RAD51AP2: variants seen among roughly 807,000 people sequenced by gnomAD.
RAD51AP2 encodes the protein RAD51 associated protein 2, also known as RAD51-associated protein 2.
Under a neutral mutation model 85.5 loss-of-function variants are expected in RAD51AP2, and 67 were observed. The observed-to-expected ratio is 0.78, with a 90% confidence interval of 0.64 to 0.96. The LOEUF (loss-of-function observed/expected upper bound fraction) is 0.96. Among genes scored for constraint, RAD51AP2 ranks in the 40% least tolerant of loss-of-function variants. The pLI, the probability that RAD51AP2 is intolerant of heterozygous loss-of-function variation, is 0.00. For missense variants in RAD51AP2, 1,307 were observed against 1,332.4 expected, an observed-to-expected ratio of 0.98 and a Z score of 0.30; for synonymous variants, 474 against 446.5, an observed-to-expected ratio of 1.06 and a Z score of -0.78.
the RAD51AP2 span, among the ~76,000 whole-genome samples, chr2:17,531,439 A>T: frequency 1.1e-4 from 16 of 152,196 alleles, no homozygotes; most frequent in Admixed American, 2.6e-4. Context: ...ACACAACCAG[A>T]ATTCAGTCAA....
chr2:17,517,308 G>A lies in RAD51AP2; in HGVS notation c.1108C>T (p.Leu370=). 6.2e-7 allele frequency: 1 copy of A among 1,613,912 alleles called. No individual in the cohort carries two copies. Among genetic ancestry groups the A allele is most frequent in the South Asian group, 1.1e-5 (1 of 91,060 alleles). Residue 370 remains leucine, a synonymous_variant, in exon 1 of 3, where the codon CTA becomes TTA. Coordinates refer to ENST00000399080, the MANE Select transcript of RAD51AP2 (RefSeq NM_001099218.3). The part of the protein sequence containing the change: ...VRDSRKNFAI[L]ENANWEEAEC... ...GCTTCCTCCCAATTTGCATTTTCTA[G>A]TATAGCGAAATTCTTTCTAGAGTCT...
chr2:17,526,938 C>A, the RAD51AP2 span, among the ~76,000 whole-genome samples: 1 of 152,056 alleles, frequency 6.6e-6, no homozygotes, highest in Non-Finnish European at 1.5e-5. Context: ...GGCAAGAAAA[C>A]AAGCTCAAAA....
rs1662570604 is a variant in RAD51AP2 at position 17,513,936 on chromosome 2, T to C, written c.3328+76A>G. ...TTATTTTGAACAACATGAATATCTATACTTTCCTCATACTAAAAATACCAT... is the reference window on the plus strand; with the variant it reads ...TTATTTTGAACAACATGAATATCTACACTTTCCTCATACTAAAAATACCAT... On this transcript the variant is annotated intron_variant, in intron 2 of 2. Coordinates refer to ENST00000399080, the MANE Select transcript of RAD51AP2 (RefSeq NM_001099218.3). 21 of 791,574 alleles carry C rather than the reference T, an allele frequency of 2.7e-5. No individual in the cohort carries two copies. In the East Asian group the frequency reaches 5.2e-4, roughly 20 times the overall value. The allele number at this position is 791,574 out of a possible 1,614,324, so 49.0% of individuals were successfully genotyped here.
Position 17,516,243 on chromosome 2 carries a change from G to A in RAD51AP2, c.2173C>T (p.His725Tyr), listed in dbSNP as rs537437627. Residue 725 changes from histidine to tyrosine, a missense_variant, in exon 1 of 3, where the codon CAC becomes TAC. Around this residue, in one of 3 missense-constraint regions of RAD51AP2, gnomAD observed 668 missense variants for 671.0 expected, o/e 1.00. Coordinates refer to ENST00000399080, the MANE Select transcript of RAD51AP2 (RefSeq NM_001099218.3). ...GCTTTAACAGTACTAGAATTATAGT[G>A]AGCCCAATTTTCCACATTCACAACT... Reference protein sequence around the residue: ...QQVVNVENWAHYNSSTVKAHG... With the variant: ...QQVVNVENWAYYNSSTVKAHG... 1.2e-6 allele frequency: 2 copies of A among 1,611,936 alleles called. No homozygotes were observed. The highest frequency in any genetic ancestry group is 2.2e-5 in the South Asian group (2 of 90,500).
chr2:17,518,391 G>C lies in RAD51AP2; in HGVS notation c.25C>G (p.Arg9Gly), dbSNP rs750860574. Residue 9 changes from arginine (R) to glycine (G), a missense_variant, in exon 1 of 3, where the codon CGG becomes GGG. Coordinates refer to ENST00000399080, the MANE Select transcript of RAD51AP2 (RefSeq NM_001099218.3). The stretch of plus-strand genomic sequence containing the variant: ...GTAGGCTTTCTGAGCTCGGCCATCC[G>C]CGGCGTGGGCTGAGGGAGAGACATG... MSLPQPTPRMAELRKPTSS... is the reference protein window; with the variant it reads MSLPQPTPGMAELRKPTSS... 5.6e-6 allele frequency: 9 copies of C among 1,612,768 alleles called. No individual in the cohort carries two copies. Among genetic ancestry groups the C allele is most frequent in the Admixed American group, 1.7e-5 (1 of 59,946 alleles).
At chr2:17,522,054 C>T (rs1037762856), upstream of RAD51AP2, among the ~76,000 whole-genome samples, 1 of 151,990 alleles carries the variant, frequency 6.6e-6, no homozygotes, top group African/African-American at 2.4e-5. Context: ...TTTTACTAGT[C>T]TCTTCTCAAC....
At chr2:17,531,332 A>G in the RAD51AP2 span, among the ~76,000 whole-genome samples, 1 of 152,192 alleles carries the variant, frequency 6.6e-6, no homozygotes, top group Admixed American at 6.5e-5. Flanking sequence ...CCTTATGAAT[A>G]TTAAGATATA....
chr2:17,513,687 G>A (rs73919088), intron 2 of RAD51AP2, among the ~76,000 whole-genome samples: 7,647 of 152,180 alleles, frequency 0.05, 516 homozygotes, highest in African/African-American at 0.15. Flanking sequence ...CTCTATCAGA[G>A]AGCATGGTCC....
the RAD51AP2 span, among the ~76,000 whole-genome samples, chr2:17,523,829 T>TC: frequency 6.6e-6 from 1 of 151,908 alleles, no homozygotes; most frequent in Non-Finnish European, 1.5e-5. Context: ...AAAAGAATAC[T>TC]CCCTCTATCA....
chr2:17,515,856 T>C lies in RAD51AP2; in HGVS notation c.2560A>G (p.Thr854Ala). The change falls in exon 1 of 3, where the codon ACT becomes GCT. Residue 854 changes from threonine to alanine, a missense_variant. Transcript: ENST00000399080. The part of the protein sequence containing the change: ...LTNSCQVHKD[T>A]KIEKEEKDSF... ...TCTTTCTCTTCCTTTTCTATCTTAG[T>C]ATCTTTGTGAACTTGGCAACTATTT... is the stretch of plus-strand genomic sequence containing the variant. The C allele has an allele frequency of 6.2e-7, 1 of 1,610,600 alleles. No individual in the cohort carries two copies. The highest frequency in any genetic ancestry group is 8.5e-7 in the Non-Finnish European group (1 of 1,178,292).
chr2:17,517,935 T>C lies in RAD51AP2; in HGVS notation c.481A>G (p.Ser161Gly). The C allele has an allele frequency of 6.2e-7, 1 of 1,614,204 alleles. No individual in the cohort carries two copies. Among genetic ancestry groups the C allele is most frequent in the Non-Finnish European group, 8.5e-7 (1 of 1,180,036 alleles). Residue 161 changes from serine to glycine, a missense_variant, in exon 1 of 3, where the codon AGC becomes GGC. Physicochemically the swap from Ser to Gly is moderately conservative, Grantham distance 56. Coordinates refer to ENST00000399080, the MANE Select transcript of RAD51AP2 (RefSeq NM_001099218.3). ...SKAGVSQLLP[S>G]TSIHDIHGIR... ...CCATGTATATCGTGTATAGAGGTGC[T>C]GGGCAGAAGTTGACTAACCCCTGCT...
the RAD51AP2 span, among the ~76,000 whole-genome samples, chr2:17,536,011 T>G: frequency 7.1e-6 from 1 of 141,026 alleles, no homozygotes; most frequent in African/African-American, 2.5e-5. Context: ...ATTTTTAAAC[T>G]GTTTGGTTAA....
rs758586373 is a variant in RAD51AP2 at position 17,516,085 on chromosome 2, A to G, written c.2331T>C (p.Phe777=). The change falls in exon 1 of 3, where the codon TTT becomes TTC. Residue 777 remains phenylalanine (F), a synonymous_variant. Coordinates refer to ENST00000399080, the MANE Select transcript of RAD51AP2 (RefSeq NM_001099218.3). ...RKQGHNKISN[F]DCEHIFEDLC... ...GATCTTCAAATATGTGCTCACAGTC[A>G]AAGTTACTGATCTTATTATGTCCCT... 2.9e-5 allele frequency: 47 copies of G among 1,612,906 alleles called. No individual in the cohort carries two copies. The highest frequency in any genetic ancestry group is 3.8e-5 in the Non-Finnish European group (45 of 1,179,630).
intron 1 of RAD51AP2, among the ~76,000 whole-genome samples, chr2:17,514,542 G>T (rs76593455): frequency 6.6e-6 from 1 of 151,814 alleles, no homozygotes; most frequent in Admixed American, 6.6e-5. Flanking sequence ...GCGGCGGGGG[G>T]GGTGGATCAC....
At chr2:17,515,122 G>A in intron 1 of RAD51AP2, 47 bp downstream of exon 1, 2 of 1,449,988 alleles carry the variant, frequency 1.4e-6, no homozygotes, top group Non-Finnish European at 9.2e-7. Context: ...GAAAAAAGCA[G>A]TAATTTTTCT....
At chr2:17,513,677 C>G (rs1347384936) in intron 2 of RAD51AP2, among the ~76,000 whole-genome samples, 1 of 152,148 alleles carries the variant, frequency 6.6e-6, no homozygotes, top group Non-Finnish European at 1.5e-5. Flanking sequence ...AGAGCATGCT[C>G]TCTATCAGAG....
At chr2:17,513,896 G>T in intron 2 of RAD51AP2, 116 bp downstream of exon 2, 1 of 646,674 alleles carries the variant, frequency 1.5e-6, no homozygotes, top group Non-Finnish European at 2.7e-6. Flanking sequence ...CTTAAAAGGT[G>T]CTAAAACTTT....
At chr2:17,522,273 C>T (rs1662873335), upstream of RAD51AP2, among the ~76,000 whole-genome samples, 1 of 151,976 alleles carries the variant, frequency 6.6e-6, no homozygotes, top group South Asian at 2.1e-4. Flanking sequence ...TCCTGCAGCA[C>T]TTAACTTCTT....
At chr2:17,512,352 T>G (rs1055025244) in intron 2 of RAD51AP2, among the ~76,000 whole-genome samples, 1 of 152,218 alleles carries the variant, frequency 6.6e-6, no homozygotes, top group Non-Finnish European at 1.5e-5. Flanking sequence ...AACTTTTCTC[T>G]TACACTGTGG....
Sources: gnomAD v4.1 joint callset for allele counts (sites outside exome capture counted in the v4.1 genomes callset) on GRCh38, gnomAD v4.1.1 for gene constraint, gnomAD v4.1.1 regional missense constraint, MANE v1.5 for transcripts, NCBI Gene and HGNC (gene_info 2026-07-23, HGNC 2026-07-21) for gene names.